The following SLC7A2 variants were observed in gnomAD, a reference collection of about 807,000 sequenced individuals.
SLC7A2 encodes cationic amino acid transporter 2.
In SLC7A2, 48 loss-of-function variants were observed where a neutral mutation model predicts 58.9. That is an observed-to-expected ratio of 0.82 (90% confidence interval 0.65 to 1.04). The LOEUF is 1.04. Among genes scored for constraint, SLC7A2 ranks in the 50% least tolerant of loss-of-function variants. The pLI, the probability that SLC7A2 is intolerant of heterozygous loss-of-function variation, is 0.00. For missense variants in SLC7A2, 1,029 were observed against 818.8 expected, an observed-to-expected ratio of 1.26 and a Z score of -3.13; for synonymous variants, 363 against 314.5, an observed-to-expected ratio of 1.15 and a Z score of -1.63.
chr8:17,497,028 GGCCCCGCGCCCC>G (rs1799978067), upstream of SLC7A2: 1 of 150,320 alleles, frequency 6.7e-6, no homozygotes. Context: ...GGTGCCGCCC[GGCCCCGCGCCCC>G]GCCCCCGCCC....
chr8:17,496,073 T>C (rs1305766079), upstream of SLC7A2, among the ~76,000 whole-genome samples: 1 of 152,144 alleles, frequency 6.6e-6, no homozygotes, highest in African/African-American at 2.4e-5. Flanking sequence ...TACTAGTAGG[T>C]GGGTTAAAGG....
chr8:17,517,984 C>A (rs762049559), intron 2 of SLC7A2, among the ~76,000 whole-genome samples: 3 of 152,108 alleles, frequency 2.0e-5, no homozygotes, highest in Non-Finnish European at 4.4e-5. Flanking sequence ...GCCTTAGTTT[C>A]ATCATGCAAA....
At chr8:17,520,808 A>T in intron 2 of SLC7A2, 1 of 581,426 alleles carries the variant, frequency 1.7e-6, no homozygotes, top group Non-Finnish European at 2.2e-6. Context: ...ATTTTTAAAT[A>T]GAGCAGCATG....
Position 17,566,659 on chromosome 8 carries a change from G to A in SLC7A2, c.*1513G>A, listed in dbSNP as rs1274083932. On this transcript the variant is annotated 3_prime_UTR_variant, in exon 13 of 13. Transcript: ENST00000494857. Reference sequence around the variant, plus strand: ...AGCTATATAAACACAGTTAACCCTTGTAAATGAGTAAACAAATTTTTACAT... The same window carrying A: ...AGCTATATAAACACAGTTAACCCTTATAAATGAGTAAACAAATTTTTACAT... 1 of 152,146 alleles carries A rather than the reference G, an allele frequency of 6.6e-6. No homozygotes were observed. Among genetic ancestry groups the A allele is most frequent in the Non-Finnish European group, 1.5e-5 (1 of 68,032 alleles). The allele number at this position is 152,146 out of a possible 1,614,324, so 9.4% of individuals were successfully genotyped here. A position where few individuals can be genotyped will look rare whatever the true frequency, so the allele number is the denominator to read the frequency against.
chr8:17,537,385 T>G (rs1585228677), intron 2 of SLC7A2, among the ~76,000 whole-genome samples: 1 of 152,120 alleles, frequency 6.6e-6, no homozygotes, highest in Admixed American at 6.5e-5. Context: ...AGCCTGTGGG[T>G]TTCTGCACCT....
At chr8:17,547,284 A>G (rs1046502777) in intron 4 of SLC7A2, among the ~76,000 whole-genome samples, 1 of 152,116 alleles carries the variant, frequency 6.6e-6, no homozygotes, top group Non-Finnish European at 1.5e-5. Flanking sequence ...GTGCAGGGGA[A>G]CTGCCCTTTA....
chr8:17,516,489 G>T (rs1800809688), intron 2 of SLC7A2, among the ~76,000 whole-genome samples: 1 of 152,216 alleles, frequency 6.6e-6, no homozygotes, highest in Admixed American at 6.5e-5. Context: ...CACCCAAAGA[G>T]CTGGGATGAC....
chr8:17,565,218 C>G lies in SLC7A2; in HGVS notation c.*72C>G. 8.3e-7 allele frequency: 1 copy of G among 1,209,632 alleles called. No individual in the cohort carries two copies. Among genetic ancestry groups the G allele is most frequent in the South Asian group, 1.5e-5 (1 of 66,550 alleles). 74.9% of individuals were successfully genotyped at this position (1,209,632 alleles called of 1,614,324 possible). ...CACTGAGTAAACCGTAACGGGATGT[C>G]ATCAGCATGCTGGGTTGTCATGGGT... On this transcript the variant is annotated 3_prime_UTR_variant, in exon 13 of 13. Transcript: ENST00000494857.
Position 17,564,810 on chromosome 8 carries a change from G to A in SLC7A2, c.1781-140G>A, listed in dbSNP as rs1803186331. The A allele has an allele frequency of 1.1e-5, 7 of 656,840 alleles. No individual in the cohort carries two copies. The South Asian group carries it at 1.2e-4, about 12-fold the overall frequency. 40.7% of individuals were successfully genotyped at this position (656,840 alleles called of 1,614,324 possible). ...TAACAATAGTGGTCTGTGGCCCAGG[G>A]GTTGGTGACCCCCGTTCTAAAGTAC... On this transcript the variant is annotated intron_variant, in intron 12 of 12. Transcript: ENST00000494857.
At chr8:17,511,592 T>G (rs1800607112) in intron 2 of SLC7A2, among the ~76,000 whole-genome samples, 1 of 152,228 alleles carries the variant, frequency 6.6e-6, no homozygotes, top group African/African-American at 2.4e-5. Flanking sequence ...AGTTCAGTTC[T>G]TATTCAAGTA....
chr8:17,500,043 C>T (rs1033321332), intron 1 of SLC7A2: 29 of 152,150 alleles, frequency 1.9e-4, no homozygotes, highest in African/African-American at 6.3e-4. Context: ...TTACTTTCTA[C>T]TCTGTACACT....
Position 17,563,645 on chromosome 8 carries a change from A to G in SLC7A2, c.1714A>G (p.Asn572Asp). Reference sequence around the variant, plus strand: ...TTTGCCAGCGTTCAGCATCTTGGTGAACATTTACTTGATGGTCCAGTTAAG... The same window carrying G: ...TTTGCCAGCGTTCAGCATCTTGGTGGACATTTACTTGATGGTCCAGTTAAG... ...PFLPAFSILV[N>D]IYLMVQLSAD... Residue 572 changes from asparagine (N) to aspartate (D), a missense_variant, in exon 12 of 13, where the codon AAC becomes GAC. Physicochemically the swap from Asn to Asp is conservative, Grantham distance 23. Transcript: ENST00000494857. 6 of 1,613,772 alleles carry G rather than the reference A, an allele frequency of 3.7e-6. No individual in the cohort carries two copies. The South Asian group carries it at 4.4e-5, about 12-fold the overall frequency.
intron 4 of SLC7A2, among the ~76,000 whole-genome samples, chr8:17,546,933 C>G (rs1045523273): frequency 6.6e-6 from 1 of 151,678 alleles, no homozygotes. Flanking sequence ...TAGAAGGAAG[C>G]AAAGTAGGTG....
rs1174014267 is a variant in SLC7A2 at position 17,510,289 on chromosome 8, T to C, written c.-23+7987T>C. Among the ~76,000 whole-genome samples, 3 of 151,988 alleles carry C rather than the reference T, an allele frequency of 2.0e-5. 1 individual carries two copies. In the South Asian group the frequency reaches 6.2e-4, roughly 32 times the overall value. The stretch of plus-strand genomic sequence containing the variant: ...GCTGGCCTTTTTTTGTGTACGAAAG[T>C]ATCTGCAGAAACGTCAAAATTGCCT... On this transcript the variant is annotated intron_variant, in intron 2 of 12. Coordinates refer to ENST00000494857, the MANE Select transcript of SLC7A2 (RefSeq NM_001370338.1).
At chr8:17,523,777 TA>T (rs1286368596) in intron 2 of SLC7A2, among the ~76,000 whole-genome samples, 1 of 152,102 alleles carries the variant, frequency 6.6e-6, no homozygotes. Flanking sequence ...TTAATTAAAC[TA>T]AAAAGCTTCT....
At chr8:17,527,144 A>C (rs907008667) in intron 2 of SLC7A2, among the ~76,000 whole-genome samples, 2 of 152,220 alleles carry the variant, frequency 1.3e-5, no homozygotes, top group Non-Finnish European at 2.9e-5. Flanking sequence ...TACTTAATGC[A>C]TGATTGACAG....
chr8:17,512,815 A>T (rs1319662743), intron 2 of SLC7A2, among the ~76,000 whole-genome samples: 1 of 152,130 alleles, frequency 6.6e-6, no homozygotes, highest in Non-Finnish European at 1.5e-5. Flanking sequence ...CGCCCTGGCC[A>T]ACCACCATTC....
intron 2 of SLC7A2, chr8:17,538,810 A>C: frequency 6.2e-7 from 1 of 1,613,782 alleles, no homozygotes; most frequent in Non-Finnish European, 8.5e-7. Context: ...TCTCACCACG[A>C]AACTAGCAAC....
chr8:17,541,472 G>A (rs950379764), intron 2 of SLC7A2, among the ~76,000 whole-genome samples: 1 of 152,206 alleles, frequency 6.6e-6, no homozygotes, highest in Admixed American at 6.5e-5. Context: ...GGTTGGCACA[G>A]AAGATACTGA....
Sources: gnomAD v4.1 joint callset for allele counts (sites outside exome capture counted in the v4.1 genomes callset) on GRCh38, gnomAD v4.1.1 for gene constraint, MANE v1.5 for transcripts, NCBI Gene and HGNC (gene_info 2026-07-23, HGNC 2026-07-21) for gene names.